Variants in HDHD5 observed in about 807,000 individuals in gnomAD.
HDHD5 encodes the protein haloacid dehalogenase-like hydrolase domain-containing 5.
In HDHD5, 34 loss-of-function variants were observed where a neutral mutation model predicts 35.5. That is an observed-to-expected ratio of 0.96 (90% CI 0.73 to 1.28). The LOEUF is 1.28. Among genes scored for constraint, HDHD5 ranks in the 50% most tolerant of loss-of-function variants. The pLI, the probability that HDHD5 is intolerant of heterozygous loss-of-function variation, is 0.00. For missense variants in HDHD5, 589 were observed against 560.2 expected (o/e 1.05, Z -0.52); for synonymous variants, 248 against 240.6 (o/e 1.03, Z -0.29).
intron 3 of HDHD5, among the ~76,000 whole-genome samples, chr22:17,146,040 AT>A (rs1251662384): frequency 6.6e-6 from 1 of 152,070 alleles, no homozygotes. Flanking sequence ...ATTCTATCAG[AT>A]TGCCCCATCA....
chr22:17,156,747 G>C (rs2061796722), intron 1 of HDHD5, among the ~76,000 whole-genome samples: 1 of 150,208 alleles, frequency 6.7e-6, no homozygotes, highest in African/African-American at 2.5e-5. Flanking sequence ...CTCCACTCCA[G>C]CCTGGGCAAC....
intron 1 of HDHD5, among the ~76,000 whole-genome samples, chr22:17,153,907 T>A (rs1199699323): frequency 6.6e-6 from 1 of 152,040 alleles, no homozygotes; most frequent in Non-Finnish European, 1.5e-5. Flanking sequence ...TTCCAACACT[T>A]TTTTGTGGCG....
chr22:17,157,178 T>C (rs1369289956), intron 1 of HDHD5, among the ~76,000 whole-genome samples: 3 of 151,990 alleles, frequency 2.0e-5, no homozygotes, highest in Admixed American at 1.3e-4. Flanking sequence ...GTACAATGTG[T>C]TGTGTTTTAA....
upstream of HDHD5, among the ~76,000 whole-genome samples, chr22:17,160,442 G>C (rs1017953595): frequency 6.6e-6 from 1 of 151,982 alleles, no homozygotes; most frequent in African/African-American, 2.4e-5. Flanking sequence ...GGAGGTCAGG[G>C]GTTCAAGACC....
intron 1 of HDHD5, among the ~76,000 whole-genome samples, chr22:17,156,089 T>G (rs1022018151): frequency 6.6e-6 from 1 of 152,208 alleles, no homozygotes; most frequent in Non-Finnish European, 1.5e-5. Flanking sequence ...GACATATTTC[T>G]GATAAGAGTG....
chr22:17,156,714 T>C (rs2061796165), intron 1 of HDHD5, among the ~76,000 whole-genome samples: 1 of 148,832 alleles, frequency 6.7e-6, no homozygotes, highest in South Asian at 2.1e-4. Context: ...AGGCAGAGCT[T>C]GCAGTGAGCC....
At chr22:17,144,085 C>T (rs766983986) in intron 4 of HDHD5, among the ~76,000 whole-genome samples, 1 of 152,212 alleles carries the variant, frequency 6.6e-6, no homozygotes, top group African/African-American at 2.4e-5. Context: ...TGCCGGGCCT[C>T]AGGATTGCTA....
chr22:17,156,725 G>A (rs975498615), intron 1 of HDHD5, among the ~76,000 whole-genome samples: 5 of 150,588 alleles, frequency 3.3e-5, no homozygotes, highest in African/African-American at 7.4e-5. Flanking sequence ...GCAGTGAGCC[G>A]AGACCACGCC....
intron 3 of HDHD5, among the ~76,000 whole-genome samples, chr22:17,145,419 C>T (rs1341231090): frequency 7.9e-5 from 12 of 152,150 alleles, no homozygotes; most frequent in Non-Finnish European, 1.0e-4. Context: ...AATCTCTGTC[C>T]CCAGCTGGGT....
chr22:17,145,392 G>A (rs1248451677), intron 3 of HDHD5, among the ~76,000 whole-genome samples: 3 of 152,226 alleles, frequency 2.0e-5, no homozygotes, highest in Admixed American at 1.3e-4. Flanking sequence ...ACAGCCTAGG[G>A]GGCAAAGGCA....
Position 17,145,089 on chromosome 22 carries a change from C to A in HDHD5, c.472G>T (p.Asp158Tyr), listed in dbSNP as rs140387564. ...AGAGGAAAGGCCATCCGCAGCTCAT[C>A]CACGGTGACGACATTTCGGAAGCCC... is the stretch of plus-strand genomic sequence containing the variant. ...GLGFRNVVTVDELRMAFPLLD... is the reference protein window; with the variant it reads ...GLGFRNVVTVYELRMAFPLLD... Residue 158 changes from aspartate to tyrosine, a missense_variant, in exon 4 of 8, where the codon GAT (aspartate) becomes TAT (tyrosine). Asp to Tyr is a radical substitution (Grantham distance 160, BLOSUM62 -3). Transcript: ENST00000336737. 7 of 1,613,928 alleles carry A rather than the reference C, an allele frequency of 4.3e-6. No homozygotes were observed. The African/African-American group carries it at 8.0e-5, about 18-fold the overall frequency.
At position 17,159,190 on chromosome 22, in the gene HDHD5, G is replaced by C. The variant is rs1015540670; in HGVS notation, c.62C>G (p.Ala21Gly). The C allele has an allele frequency of 6.6e-6, 8 of 1,211,098 alleles. No individual in the cohort carries two copies. The African/African-American group carries it at 1.3e-4, about 19-fold the overall frequency. The allele number at this position is 1,211,098 out of a possible 1,614,324, so 75.0% of individuals were successfully genotyped here. ...GCCCTGGAGCCCCGCAGCCGCGCGCGCCGCCCGCCAGCAAAGCCCACGCGC... is the reference window on the plus strand; with the variant it reads ...GCCCTGGAGCCCCGCAGCCGCGCGCCCCGCCCGCCAGCAAAGCCCACGCGC... ...GAARGLCWRA[A>G]RAAAGLQGRP... The change falls in exon 1 of 8, where the codon GCG becomes GGG. Residue 21 changes from alanine to glycine, a missense_variant. Ala to Gly is a moderately conservative substitution (Grantham distance 60, BLOSUM62 0). Coordinates refer to ENST00000336737, the MANE Select transcript of HDHD5 (RefSeq NM_033070.3).
chr22:17,159,150 C>T lies in HDHD5; in HGVS notation c.102G>A (p.Arg34=). ...CCTGAGCGGGGCCCACAGCATAGCA[C>T]CTGCGGGCGGGGCGGCCCTGGAGCC... ...AAGLQGRPAR[R]CYAVGPAQSP... The change falls in exon 1 of 8, where the codon AGG becomes AGA. Residue 34 remains arginine, a synonymous_variant. Transcript: ENST00000336737. 1 of 1,228,682 alleles carries T rather than the reference C, an allele frequency of 8.1e-7. No homozygotes were observed. Among genetic ancestry groups the T allele is most frequent in the Non-Finnish European group, 1.0e-6 (1 of 984,160 alleles). The allele number at this position is 1,228,682 out of a possible 1,614,324, so 76.1% of individuals were successfully genotyped here.
In HDHD5 at chr22:17,137,970, G is replaced by A. The variant is rs759003653; in HGVS notation, c.*51C>T. On this transcript the variant is annotated 3_prime_UTR_variant, in exon 8 of 8. Coordinates refer to ENST00000336737, the MANE Select transcript of HDHD5 (RefSeq NM_033070.3). Reference sequence around the variant, plus strand: ...GTGATCAGGCCAGAGCCCAGCCAATGGGACTCGCCCACAGGTCCAGGCTCA... The same window carrying A: ...GTGATCAGGCCAGAGCCCAGCCAATAGGACTCGCCCACAGGTCCAGGCTCA... The A allele has an allele frequency of 2.7e-6, 4 of 1,491,048 alleles. No individual in the cohort carries two copies. Among genetic ancestry groups the A allele is most frequent in the Non-Finnish European group, 3.7e-6 (4 of 1,091,478 alleles). 92.4% of individuals were successfully genotyped at this position (1,491,048 alleles called of 1,614,324 possible).
intron 1 of HDHD5, among the ~76,000 whole-genome samples, chr22:17,154,290 C>T (rs1393617748): frequency 6.6e-6 from 1 of 151,696 alleles, no homozygotes; most frequent in Non-Finnish European, 1.5e-5. Context: ...CGAGACCAGC[C>T]TGACCAACAC....
chr22:17,146,227 C>T (rs1206785703), intron 3 of HDHD5, among the ~76,000 whole-genome samples: 19 of 152,084 alleles, frequency 1.2e-4, no homozygotes, highest in Non-Finnish European at 2.4e-4. Flanking sequence ...CCTGGGGCTC[C>T]GCTGTACCCC....
chr22:17,157,077 CACACACA>C (rs1568952033), intron 1 of HDHD5, among the ~76,000 whole-genome samples: 5 of 66,170 alleles, frequency 7.6e-5, no homozygotes, highest in African/African-American at 3.1e-4. Flanking sequence ...GACACCGTCT[CACACACA>C]TACACACACA....
At chr22:17,157,011 G>A (rs1388163021) in intron 1 of HDHD5, among the ~76,000 whole-genome samples, 1 of 151,426 alleles carries the variant, frequency 6.6e-6, no homozygotes, top group Non-Finnish European at 1.5e-5. Context: ...CTGGGAGGCA[G>A]AGGTTGCAGT....
At chr22:17,143,615 G>A (rs1342647132) in intron 4 of HDHD5, 5 of 156,796 alleles carry the variant, frequency 3.2e-5, no homozygotes, top group African/African-American at 1.2e-4. Context: ...ACCCGGGACA[G>A]GTCACTCCCC....
Sources: gnomAD v4.1 joint callset for allele counts (sites outside exome capture counted in the v4.1 genomes callset) on GRCh38, gnomAD v4.1.1 for gene constraint, MANE v1.5 for transcripts, NCBI Gene and HGNC (gene_info 2026-07-23, HGNC 2026-07-21) for gene names.